SP140: variants seen among roughly 807,000 people sequenced by gnomAD.
The protein encoded by SP140 is nuclear body protein SP140.
A neutral mutation model predicts 125.0 loss-of-function variants in SP140; 81 were observed. That is an observed-to-expected ratio of 0.65 (90% CI 0.54 to 0.78). The LOEUF is 0.78. Among genes scored for constraint, SP140 ranks in the 30% least tolerant of loss-of-function variants. The probability of loss-of-function intolerance (pLI) is 0.00; values close to 1 mark genes in which losing one functional copy is unlikely to be tolerated. For missense variants in SP140, 858 were observed against 1,037.0 expected, an observed-to-expected ratio of 0.83 and a Z score of 2.37; for synonymous variants, 312 against 354.0, an observed-to-expected ratio of 0.88 and a Z score of 1.33.
intron 22 of SP140, among the ~76,000 whole-genome samples, chr2:230,306,282 G>A (rs572561470): frequency 6.6e-6 from 1 of 152,316 alleles, no homozygotes; most frequent in South Asian, 2.1e-4. Context: ...AGGTGCAGCC[G>A]AGACTCACAG....
In SP140 at chr2:230,248,550, G is replaced by T. The variant is rs143819937; in HGVS notation, c.893-335G>T. Among the ~76,000 whole-genome samples the T allele has an allele frequency of 2.0e-5, 3 of 152,264 alleles. No homozygotes were observed. The East Asian group carries it at 5.8e-4, about 29-fold the overall frequency. On this transcript the variant is annotated intron_variant, in intron 8 of 26. Transcript: ENST00000392045. ...AGCCTGCCCTTTGGAATAGGAGAGG[G>T]ATCTAGAATAAGAGCTAAAGAAATA...
At chr2:230,197,644 T>C in the SP140 span, among the ~76,000 whole-genome samples, 1 of 151,736 alleles carries the variant, frequency 6.6e-6, no homozygotes, top group Non-Finnish European at 1.5e-5. Flanking sequence ...ATGGTATTGC[T>C]TAGGTTTTCT....
At chr2:230,287,346 A>G (rs2056513959) in intron 17 of SP140, among the ~76,000 whole-genome samples, 1 of 152,222 alleles carries the variant, frequency 6.6e-6, no homozygotes, top group Non-Finnish European at 1.5e-5. Flanking sequence ...CATCTCACCT[A>G]TGGGACACCT....
chr2:230,307,955 G>GTGTATATATA (rs1365576659), intron 22 of SP140, among the ~76,000 whole-genome samples: 2 of 48,408 alleles, frequency 4.1e-5, no homozygotes, highest in African/African-American at 5.8e-5. Context: ...GGACATGCAT[G>GTGTATATATA]TATATATATA....
intron 14 of SP140, among the ~76,000 whole-genome samples, 154 bp downstream of exon 14, chr2:230,270,107 G>A (rs139370705): frequency 3.2e-4 from 48 of 152,216 alleles, no homozygotes; most frequent in African/African-American, 6.3e-4. Flanking sequence ...GCAAGAGATC[G>A]TTATAAAGTA....
intron 17 of SP140, among the ~76,000 whole-genome samples, chr2:230,287,579 A>G (rs2149457460): frequency 6.6e-6 from 1 of 152,340 alleles, no homozygotes; most frequent in Admixed American, 6.5e-5. Flanking sequence ...TCAAATATAT[A>G]TGTTTGGAAT....
At chr2:230,249,152 T>G (rs2049964888) in intron 9 of SP140, among the ~76,000 whole-genome samples, 184 bp downstream of exon 9, 1 of 152,094 alleles carries the variant, frequency 6.6e-6, no homozygotes, top group African/African-American at 2.4e-5. Context: ...AGGATCAAGG[T>G]GAGCTGAGCC....
At chr2:230,303,721 A>G (rs980937253) in intron 22 of SP140, among the ~76,000 whole-genome samples, 1 of 152,220 alleles carries the variant, frequency 6.6e-6, no homozygotes, top group Admixed American at 6.5e-5. Context: ...TTATAATTAA[A>G]ACCCTCCACA....
chr2:230,266,568 G>C (rs901503503), intron 12 of SP140, among the ~76,000 whole-genome samples: 1 of 152,196 alleles, frequency 6.6e-6, no homozygotes, highest in Non-Finnish European at 1.5e-5. Context: ...GCTCAACTTA[G>C]TTCTCTGCTT....
chr2:230,234,508 T>C (rs1296973739), intron 1 of SP140, among the ~76,000 whole-genome samples: 1 of 152,250 alleles, frequency 6.6e-6, no homozygotes, highest in East Asian at 1.9e-4. Context: ...TTGAATAAGG[T>C]ATACATTTTT....
In SP140 at chr2:230,289,628, C is replaced by T. The variant is rs1022427697; in HGVS notation, c.1721-832C>T. Among the ~76,000 whole-genome samples, 5 of 152,202 alleles carry T rather than the reference C, an allele frequency of 3.3e-5. No individual in the cohort carries two copies. In the South Asian group the frequency reaches 1.0e-3, roughly 32 times the overall value. ...TAGCTGGGATTACAGGTGGGCACCA[C>T]CATACCTGGCTAATTTTTGTATTTT... On this transcript the variant is annotated intron_variant, in intron 18 of 26. Transcript: ENST00000392045.
At chr2:230,205,648 C>T (rs2043698046) in intron 1 of SP140, among the ~76,000 whole-genome samples, 1 of 152,082 alleles carries the variant, frequency 6.6e-6, no homozygotes, top group Non-Finnish European at 1.5e-5. Flanking sequence ...ACAGTTAGTG[C>T]TCACTGCATA....
chr2:230,189,978 C>T, the SP140 span, among the ~76,000 whole-genome samples: 116,180 of 152,152 alleles, frequency 0.76, 44,488 homozygotes, highest in Admixed American at 0.83. Context: ...GTTGGTTCCA[C>T]GTCTTTGCTA....
intron 2 of SP140, 151 bp from the exon 3 acceptor site, chr2:230,238,062 T>A: frequency 1.8e-6 from 1 of 566,786 alleles, no homozygotes; most frequent in Non-Finnish European, 3.1e-6. Flanking sequence ...AATTAGAGTG[T>A]ATTTTTATGG....
chr2:230,243,904 C>A, intron 5 of SP140, 93 bp downstream of exon 5: 2 of 835,638 alleles, frequency 2.4e-6, no homozygotes, highest in South Asian at 2.9e-5. Flanking sequence ...ACTCTGAGTA[C>A]ATGCCACAGG....
chr2:230,190,340 C>G, the SP140 span, among the ~76,000 whole-genome samples: 1 of 60,182 alleles, frequency 1.7e-5, no homozygotes, highest in Non-Finnish European at 3.3e-5. Context: ...TTGTTGGCTA[C>G]GTAAATTTTT....
intron 2 of SP140, 28 bp from the exon 3 acceptor site, chr2:230,238,169 CCATAAATCTCTAGCTA>C (rs770788119): frequency 1.4e-6 from 2 of 1,409,104 alleles, no homozygotes; most frequent in East Asian, 4.6e-5. Flanking sequence ...CTTTTGTAAC[CCATAAATCTCTAGCTA>C]CATAATTCTC....
At position 230,287,475 on chromosome 2, in the gene SP140, C is replaced by A. The variant is rs147038860; in HGVS notation, c.1646-417C>A. 5.6e-4 allele frequency among the ~76,000 whole-genome samples: 85 copies of A among 152,144 alleles called. 1 individual carries two copies. The highest frequency in any genetic ancestry group is 1.7e-3 in the African/African-American group (70 of 41,506). On this transcript the variant is annotated intron_variant, in intron 17 of 26. Coordinates refer to ENST00000392045, the MANE Select transcript of SP140 (RefSeq NM_007237.5). The stretch of plus-strand genomic sequence containing the variant: ...CAATTTTCTCTGAATATTTTAGTTT[C>A]TGTAATGACGGTAATCATCATTTTG...
intron 15 of SP140, among the ~76,000 whole-genome samples, chr2:230,277,938 G>T (rs2054966213): frequency 6.6e-6 from 1 of 152,106 alleles, no homozygotes; most frequent in Non-Finnish European, 1.5e-5. Flanking sequence ...ATGCTGCAAT[G>T]AACATGTGGA....
Sources: allele counts gnomAD v4.1 joint callset (sites outside exome capture counted in the v4.1 genomes callset), GRCh38; gene constraint gnomAD v4.1.1; transcripts MANE v1.5; gene names NCBI Gene and HGNC (gene_info 2026-07-23, HGNC 2026-07-21).